Variants in SCAPER observed in about 807,000 individuals in gnomAD.
The protein encoded by SCAPER is S phase cyclin A-associated protein in the endoplasmic reticulum.
In SCAPER, 98 loss-of-function variants were observed where a neutral mutation model predicts 182.2. The observed-to-expected ratio is 0.54, with a 90% CI of 0.46 to 0.64. The LOEUF is 0.64. Among genes scored for constraint, SCAPER ranks in the 30% least tolerant of loss-of-function variants. The pLI, the probability that SCAPER is intolerant of heterozygous loss-of-function variation, is 0.00. For synonymous variants in SCAPER, 605 were observed against 564.6 expected (o/e 1.07, Z -1.01); for missense variants, 1,432 against 1,690.0 (o/e 0.85, Z 2.68).
At chr15:76,365,728 G>A (rs544242833) in intron 29 of SCAPER, among the ~76,000 whole-genome samples, 24 of 152,254 alleles carry the variant, frequency 1.6e-4, no homozygotes, top group African/African-American at 5.3e-4. Flanking sequence ...AGGAAGGCTG[G>A]TCACAGAAAG....
chr15:76,548,180 G>A (rs2045456858), intron 23 of SCAPER, among the ~76,000 whole-genome samples: 1 of 151,704 alleles, frequency 6.6e-6, no homozygotes, highest in South Asian at 2.1e-4. Flanking sequence ...CACGCTCTTT[G>A]AGGCTGAAGC....
intron 15 of SCAPER, among the ~76,000 whole-genome samples, chr15:76,737,269 G>C (rs967693683): frequency 2.6e-5 from 4 of 152,240 alleles, no homozygotes; most frequent in South Asian, 2.1e-4. Context: ...GGACTGCAGA[G>C]TGGATGTTAC....
At chr15:76,568,655 G>A (rs989941897) in intron 23 of SCAPER, among the ~76,000 whole-genome samples, 4 of 152,024 alleles carry the variant, frequency 2.6e-5, no homozygotes, top group African/African-American at 9.7e-5. Context: ...ACAGGGTTTT[G>A]CATACTGTTT....
intron 17 of SCAPER, among the ~76,000 whole-genome samples, chr15:76,715,199 G>A (rs2059823294): frequency 6.7e-6 from 1 of 149,238 alleles, no homozygotes; most frequent in Admixed American, 6.8e-5. Context: ...CAATACTACT[G>A]GTGAGACAGC....
intron 27 of SCAPER, among the ~76,000 whole-genome samples, chr15:76,394,081 T>A (rs920103594): frequency 6.6e-6 from 1 of 152,250 alleles, no homozygotes; most frequent in African/African-American, 2.4e-5. Context: ...TTGTTGCAGT[T>A]ATTGTAACCG....
intron 20 of SCAPER, among the ~76,000 whole-genome samples, chr15:76,668,530 G>C (rs1410853865): frequency 6.6e-6 from 1 of 152,104 alleles, no homozygotes; most frequent in Non-Finnish European, 1.5e-5. Flanking sequence ...AAACTTTACT[G>C]CCTCAGGGCT....
intron 22 of SCAPER, among the ~76,000 whole-genome samples, chr15:76,608,702 C>G (rs2145901946): frequency 6.6e-6 from 1 of 152,272 alleles, no homozygotes; most frequent in Admixed American, 6.5e-5. Flanking sequence ...TTTACCTAAT[C>G]AAACAACTAA....
At chr15:76,858,494 A>C (rs142825936) in intron 3 of SCAPER, among the ~76,000 whole-genome samples, 55 of 152,242 alleles carry the variant, frequency 3.6e-4, no homozygotes, top group Admixed American at 1.0e-3. Flanking sequence ...GTACAGGGGT[A>C]CATGTGCAGG....
intron 22 of SCAPER, among the ~76,000 whole-genome samples, chr15:76,615,819 C>CA (rs61031189): frequency 0.018 from 1,444 of 82,134 alleles, 19 homozygotes; most frequent in African/African-American, 0.046. Context: ...GATTCCATCT[C>CA]AAAAAAAAAA....
At chr15:76,424,191 T>C (rs1170837452) in intron 26 of SCAPER, among the ~76,000 whole-genome samples, 2 of 152,206 alleles carry the variant, frequency 1.3e-5, no homozygotes, top group East Asian at 3.9e-4. Context: ...CTTTGTCTCA[T>C]TGATCTGTCT....
intron 20 of SCAPER, among the ~76,000 whole-genome samples, chr15:76,677,872 A>G (rs1320756386): frequency 6.6e-6 from 1 of 151,864 alleles, no homozygotes; most frequent in Non-Finnish European, 1.5e-5. Flanking sequence ...ACATGGGGAA[A>G]AAAACTGACC....
At chr15:76,665,052 T>C (rs550170224) in intron 21 of SCAPER, among the ~76,000 whole-genome samples, 1 of 152,334 alleles carries the variant, frequency 6.6e-6, no homozygotes, top group South Asian at 2.1e-4. Context: ...AAAGCAGAGC[T>C]ATCTCTGTGT....
At chr15:76,706,065 C>T (rs1445574806) in intron 17 of SCAPER, 81 bp from the exon 18 acceptor site, 10 of 1,085,990 alleles carry the variant, frequency 9.2e-6, no homozygotes, top group Non-Finnish European at 1.3e-5. Flanking sequence ...AATTAGGACA[C>T]ATAGGGTCAT....
At chr15:76,581,061 A>C (rs1457737305) in intron 22 of SCAPER, among the ~76,000 whole-genome samples, 2 of 152,160 alleles carry the variant, frequency 1.3e-5, no homozygotes, top group Non-Finnish European at 2.9e-5. Context: ...AAATAAGTAA[A>C]TTCCTACACA....
chr15:76,468,648 G>A (rs780526799), intron 25 of SCAPER, among the ~76,000 whole-genome samples: 1 of 152,124 alleles, frequency 6.6e-6, no homozygotes, highest in African/African-American at 2.4e-5. Context: ...ATGTCTCAGG[G>A]AGGATCACTG....
At chr15:76,653,181 G>C (rs1468123618) in intron 21 of SCAPER, among the ~76,000 whole-genome samples, 1 of 151,736 alleles carries the variant, frequency 6.6e-6, no homozygotes, top group Non-Finnish European at 1.5e-5. Context: ...ACTTCTAAAA[G>C]AACAACTACA....
At chr15:76,718,992 G>T (rs555091079) in intron 17 of SCAPER, among the ~76,000 whole-genome samples, 4 of 152,216 alleles carry the variant, frequency 2.6e-5, no homozygotes, top group South Asian at 4.1e-4. Context: ...CAGGATGGAG[G>T]TTTCTAAAGA....
chr15:76,353,557 T>C (rs2040750999), intron 30 of SCAPER, among the ~76,000 whole-genome samples: 1 of 152,228 alleles, frequency 6.6e-6, no homozygotes, highest in Non-Finnish European at 1.5e-5. Context: ...TTTAAAAATG[T>C]ACAAATAAAC....
At chr15:76,462,389 G>A (rs2049258578) in intron 25 of SCAPER, among the ~76,000 whole-genome samples, 1 of 152,082 alleles carries the variant, frequency 6.6e-6, no homozygotes, top group Admixed American at 6.6e-5. Flanking sequence ...AGCAGAACTG[G>A]GTCATCTTCT....
Sources: allele counts gnomAD v4.1 joint callset (sites outside exome capture counted in the v4.1 genomes callset), GRCh38; gene constraint gnomAD v4.1.1; transcripts MANE v1.5; gene names NCBI Gene and HGNC (gene_info 2026-07-23, HGNC 2026-07-21).